The following RALYL variants were observed in gnomAD, a reference collection of about 807,000 sequenced individuals.
The protein encoded by RALYL is RALY RNA binding protein like, also known as RNA-binding Raly-like protein.
A neutral mutation model predicts 35.1 loss-of-function variants in RALYL; 29 were observed. The observed-to-expected ratio is 0.83, with a 90% confidence interval of 0.61 to 1.13. The LOEUF is 1.13. RALYL is among the 50% of genes most tolerant of loss of function. The probability of loss-of-function intolerance (pLI) is 0.00; values close to 1 mark genes in which losing one functional copy is unlikely to be tolerated. For missense variants in RALYL, 359 were observed against 360.4 expected (o/e 1.00, Z 0.03); for synonymous variants, 120 against 127.6 (o/e 0.94, Z 0.40).
intron 1 of RALYL, among the ~76,000 whole-genome samples, chr8:84,490,048 G>C (rs184516059): frequency 8.8e-4 from 133 of 150,914 alleles, no homozygotes; most frequent in African/African-American, 3.1e-3. Context: ...ATTACATTCA[G>C]AGAATAGTGG....
intron 2 of RALYL, among the ~76,000 whole-genome samples, chr8:84,670,172 A>G (rs150002777): frequency 2.1e-3 from 317 of 151,302 alleles, no homozygotes; most frequent in African/African-American, 7.3e-3. Context: ...TTTCCCACTG[A>G]TAATGGGATC....
chr8:84,288,811 A>G (rs1838191497), intron 1 of RALYL, among the ~76,000 whole-genome samples: 1 of 152,172 alleles, frequency 6.6e-6, no homozygotes. Flanking sequence ...GTATAATTAG[A>G]TATTTAAAAA....
intron 2 of RALYL, among the ~76,000 whole-genome samples, chr8:84,616,060 GT>G (rs1388446813): frequency 2.7e-5 from 2 of 74,938 alleles, no homozygotes; most frequent in Non-Finnish European, 4.8e-5. Context: ...AAACATACGT[GT>G]GCATGTGTCT....
At chr8:84,444,339 A>G (rs868422023) in intron 1 of RALYL, among the ~76,000 whole-genome samples, 2 of 152,044 alleles carry the variant, frequency 1.3e-5, no homozygotes, top group Non-Finnish European at 1.5e-5. Context: ...AGAAAAGCAA[A>G]CAAACAAGCA....
Position 84,689,258 on chromosome 8 carries a change from G to T in RALYL, c.257-85321G>T, listed in dbSNP as rs111899971. On this transcript the variant is annotated intron_variant, in intron 2 of 8. Transcript: ENST00000521268. ...CCGACCGCACAACAGTCCCCAGAGTGTGATGTTCCCCTTCCTGTGTCCATG... is the reference window on the plus strand; with the variant it reads ...CCGACCGCACAACAGTCCCCAGAGTTTGATGTTCCCCTTCCTGTGTCCATG... Among the ~76,000 whole-genome samples the T allele has an allele frequency of 2.3e-3, 344 of 152,152 alleles. 2 individuals are homozygous for T. Among genetic ancestry groups the T allele is most frequent in the African/African-American group, 7.7e-3 (318 of 41,506 alleles).
At chr8:84,494,367 G>T (rs1360799046) in intron 1 of RALYL, among the ~76,000 whole-genome samples, 6 of 152,078 alleles carry the variant, frequency 3.9e-5, no homozygotes, top group African/African-American at 1.2e-4. Context: ...TTTTTGCTTA[G>T]AATTGTCTTT....
At chr8:84,367,693 C>T (rs1563800748) in intron 1 of RALYL, among the ~76,000 whole-genome samples, 1 of 152,062 alleles carries the variant, frequency 6.6e-6, no homozygotes, top group East Asian at 1.9e-4. Flanking sequence ...CTCTCCCATA[C>T]TTTTCTTCCA....
chr8:84,431,131 T>A (rs968522552), intron 1 of RALYL, among the ~76,000 whole-genome samples: 2 of 152,130 alleles, frequency 1.3e-5, no homozygotes, highest in African/African-American at 4.8e-5. Context: ...GCCTGGGATC[T>A]CCTCAGATTT....
intron 2 of RALYL, among the ~76,000 whole-genome samples, chr8:84,669,919 A>G (rs769522260): frequency 2.5e-4 from 38 of 152,210 alleles, no homozygotes; most frequent in Non-Finnish European, 4.9e-4. Context: ...TTTGCAAACT[A>G]CAAGTGCGCA....
chr8:84,194,634 T>A (rs1209032577), intron 1 of RALYL, among the ~76,000 whole-genome samples: 2 of 152,152 alleles, frequency 1.3e-5, no homozygotes, highest in Non-Finnish European at 2.9e-5. Context: ...TTTATTAACA[T>A]CAGAAGTCCA....
At chr8:84,275,601 C>T (rs775303634) in intron 1 of RALYL, among the ~76,000 whole-genome samples, 1 of 151,976 alleles carries the variant, frequency 6.6e-6, no homozygotes, top group Non-Finnish European at 1.5e-5. Context: ...TATCTATAGT[C>T]ATAATTTTCT....
At chr8:84,454,246 G>A (rs988285464) in intron 1 of RALYL, among the ~76,000 whole-genome samples, 5 of 152,138 alleles carry the variant, frequency 3.3e-5, no homozygotes, top group Middle Eastern at 3.4e-3. Flanking sequence ...AGAGATGTAA[G>A]ATGGGGGAAG....
intron 2 of RALYL, among the ~76,000 whole-genome samples, chr8:84,724,568 G>C (rs910559810): frequency 2.0e-5 from 3 of 151,726 alleles, no homozygotes; most frequent in African/African-American, 7.2e-5. Flanking sequence ...TTGGCCCACA[G>C]TCACAGGCTT....
At chr8:84,631,603 GT>G (rs146461566) in intron 2 of RALYL, among the ~76,000 whole-genome samples, 62 of 148,792 alleles carry the variant, frequency 4.2e-4, no homozygotes, top group Non-Finnish European at 5.5e-4. Context: ...CAAAAAGACA[GT>G]TTTTTTTTTG....
chr8:84,676,167 A>G (rs1285932967), intron 2 of RALYL, among the ~76,000 whole-genome samples: 1 of 152,226 alleles, frequency 6.6e-6, no homozygotes, highest in Admixed American at 6.5e-5. Flanking sequence ...CTTACATGAA[A>G]GAATATTTTC....
At chr8:84,308,222 A>C (rs1842178489) in intron 1 of RALYL, among the ~76,000 whole-genome samples, 1 of 152,172 alleles carries the variant, frequency 6.6e-6, no homozygotes, top group African/African-American at 2.4e-5. Context: ...AAAAATAATA[A>C]AATGTAGCCA....
At chr8:84,367,789 A>T (rs981377790) in intron 1 of RALYL, among the ~76,000 whole-genome samples, 1 of 152,072 alleles carries the variant, frequency 6.6e-6, no homozygotes, top group Admixed American at 6.6e-5. Flanking sequence ...GCTTTATCTC[A>T]TTATTATAGG....
rs185788928 is a variant in RALYL, at chr8:84,297,225, A to G, written c.-24+112801A>G. ...CTCCTCCCACTGTCTACCCTCAAGT[A>G]GGCCCTGGTGTCTGTTGTCCCTTCT... On this transcript the variant is annotated intron_variant, in intron 1 of 8. Coordinates refer to ENST00000521268, the MANE Select transcript of RALYL (RefSeq NM_173848.7). Among the ~76,000 whole-genome samples the G allele has an allele frequency of 7.1e-4, 108 of 152,006 alleles. 1 individual carries two copies. The highest frequency in any genetic ancestry group is 4.9e-3 in the Admixed American group (75 of 15,226).
intron 2 of RALYL, among the ~76,000 whole-genome samples, chr8:84,648,049 G>A (rs548690650): frequency 5.9e-5 from 9 of 152,062 alleles, no homozygotes; most frequent in Non-Finnish European, 1.0e-4. Context: ...TTTAAAGTTA[G>A]TACCACAGAA....
Sources: allele counts gnomAD v4.1 joint callset (sites outside exome capture counted in the v4.1 genomes callset), GRCh38; gene constraint gnomAD v4.1.1; transcripts MANE v1.5; gene names NCBI Gene and HGNC (gene_info 2026-07-23, HGNC 2026-07-21).